Variants in NAA50 observed in about 807,000 individuals in gnomAD.
The protein encoded by NAA50 is N-alpha-acetyltransferase 50.
In NAA50, 7 loss-of-function variants were observed where a neutral mutation model predicts 20.7. The observed-to-expected ratio is 0.34, with a 90% CI of 0.19 to 0.63. The LOEUF is 0.63. Among genes scored for constraint, NAA50 ranks in the 30% least tolerant of loss-of-function variants. The pLI is 0.75. For missense variants in NAA50, 111 were observed against 199.1 expected (o/e 0.56, Z 2.66); for synonymous variants, 54 against 70.6 (o/e 0.77, Z 1.18).
intron 4 of NAA50, 90 bp downstream of exon 4, chr3:113,722,816 A>G: frequency 1.4e-6 from 2 of 1,398,164 alleles, no homozygotes; most frequent in Non-Finnish European, 1.9e-6. Flanking sequence ...CCAAAGGCAC[A>G]ATAAGTGACC....
In NAA50 at chr3:113,733,565, T is replaced by C. The variant is rs557659560; in HGVS notation, c.9-9470A>G. On this transcript the variant is annotated intron_variant, in intron 1 of 4. Transcript: ENST00000240922. ...CTGTTAAAGATTCATATTAAAGATA[T>C]TAAAGGCCAGGCATGGTGGCTCATG... Among the ~76,000 whole-genome samples the C allele has an allele frequency of 1.4e-4, 22 of 152,072 alleles. 1 individual carries two copies. In the South Asian group the frequency reaches 3.3e-3, roughly 23 times the overall value.
In NAA50 at chr3:113,721,948, A is replaced by T. The variant is rs778227628; in HGVS notation, c.333-11T>A. The T allele has an allele frequency of 6.3e-7, 1 of 1,594,216 alleles. No homozygotes were observed. Among genetic ancestry groups the T allele is most frequent in the Non-Finnish European group, 8.5e-7 (1 of 1,172,994 alleles). The stretch of plus-strand genomic sequence containing the variant: ...CTGATCTGGACATGCCTGAGATATA[A>T]GAGAGTATCAGAAAAAAAATTAAAA... On this transcript the variant is annotated splice_polypyrimidine_tract_variant and intron_variant, in intron 4 of 4. Coordinates refer to ENST00000240922, the MANE Select transcript of NAA50 (RefSeq NM_025146.4).
intron 1 of NAA50, among the ~76,000 whole-genome samples, chr3:113,728,698 T>C (rs187086752): frequency 4.6e-5 from 7 of 152,320 alleles, no homozygotes; most frequent in African/African-American, 1.7e-4. Context: ...GGTGATCTCA[T>C]TCAATCTTGT....
intron 1 of NAA50, chr3:113,740,744 T>C (rs759089896): frequency 3.9e-4 from 62 of 160,668 alleles, no homozygotes; most frequent in Non-Finnish European, 1.2e-4. Flanking sequence ...TTTTTTCTTT[T>C]TTTTTTTTTA....
At chr3:113,741,885 C>G (rs975120450) in intron 1 of NAA50, among the ~76,000 whole-genome samples, 2 of 152,188 alleles carry the variant, frequency 1.3e-5, no homozygotes, top group Non-Finnish European at 2.9e-5. Flanking sequence ...CACGATGATT[C>G]TATTTACAGA....
chr3:113,729,080 G>T (rs1420334836), intron 1 of NAA50, among the ~76,000 whole-genome samples: 2 of 151,802 alleles, frequency 1.3e-5, no homozygotes, highest in East Asian at 1.9e-4. Context: ...CCGCATCCTG[G>T]GTTCAAGCAA....
At chr3:113,728,974 ACT>A (rs1491259353) in intron 1 of NAA50, among the ~76,000 whole-genome samples, 2 of 148,962 alleles carry the variant, frequency 1.3e-5, no homozygotes, top group African/African-American at 2.5e-5. Flanking sequence ...CTCTTGATAC[ACT>A]TTTTTCCTTT....
intron 1 of NAA50, among the ~76,000 whole-genome samples, chr3:113,735,543 T>C (rs571709440): frequency 6.6e-6 from 1 of 152,348 alleles, no homozygotes; most frequent in East Asian, 1.9e-4. Context: ...TGCTTACTTC[T>C]GTTAAGAATG....
intron 1 of NAA50, among the ~76,000 whole-genome samples, chr3:113,732,618 GTC>G (rs1708285173): frequency 6.6e-6 from 1 of 152,188 alleles, no homozygotes; most frequent in Non-Finnish European, 1.5e-5. Context: ...TTTGTGGTGT[GTC>G]TGTTTCCTTT....
At chr3:113,733,545 A>G (rs1708297625) in intron 1 of NAA50, among the ~76,000 whole-genome samples, 1 of 152,136 alleles carries the variant, frequency 6.6e-6, no homozygotes, top group African/African-American at 2.4e-5. Context: ...CTTCTCTGTT[A>G]AAGATTCATA....
At chr3:113,728,639 G>A (rs1383939576) in intron 1 of NAA50, among the ~76,000 whole-genome samples, 8 of 152,180 alleles carry the variant, frequency 5.3e-5, no homozygotes, top group East Asian at 3.9e-4. Flanking sequence ...ATTTTATGAC[G>A]GCCTCGTATA....
intron 1 of NAA50, among the ~76,000 whole-genome samples, chr3:113,727,264 G>C (rs1708211692): frequency 6.6e-6 from 1 of 152,130 alleles, no homozygotes; most frequent in Admixed American, 6.5e-5. Context: ...TTTAAAAAGT[G>C]ATTTAAAATT....
chr3:113,742,740 G>A (rs958956764), intron 1 of NAA50, among the ~76,000 whole-genome samples: 1 of 152,026 alleles, frequency 6.6e-6, no homozygotes, highest in African/African-American at 2.4e-5. Context: ...AGTCAACATT[G>A]TTCCATATTT....
chr3:113,726,182 A>C (rs1319990562), intron 1 of NAA50, among the ~76,000 whole-genome samples: 3 of 152,160 alleles, frequency 2.0e-5, no homozygotes, highest in Non-Finnish European at 4.4e-5. Flanking sequence ...CAGATTAAAT[A>C]AACAAACATG....
At chr3:113,722,787 A>T in intron 4 of NAA50, 119 bp downstream of exon 4, 1 of 1,188,522 alleles carries the variant, frequency 8.4e-7, no homozygotes, top group Non-Finnish European at 1.1e-6. Flanking sequence ...ACTTTGTAAC[A>T]ACTACTTCCA....
At chr3:113,725,820 T>C (rs1050681735) in intron 1 of NAA50, among the ~76,000 whole-genome samples, 5 of 129,122 alleles carry the variant, frequency 3.9e-5, no homozygotes, top group Non-Finnish European at 8.4e-5. Flanking sequence ...AAATTTGATT[T>C]ATCTGGAGAG....
intron 1 of NAA50, among the ~76,000 whole-genome samples, chr3:113,742,670 G>A (rs1371712391): frequency 6.6e-6 from 1 of 152,080 alleles, no homozygotes; most frequent in Non-Finnish European, 1.5e-5. Flanking sequence ...GTTTCTGACT[G>A]CAGAATCTTA....
At chr3:113,734,945 T>A (rs956298956) in intron 1 of NAA50, among the ~76,000 whole-genome samples, 1 of 152,206 alleles carries the variant, frequency 6.6e-6, no homozygotes, top group African/African-American at 2.4e-5. Context: ...ACTGAAGCAA[T>A]GCTAATGTTA....
intron 1 of NAA50, among the ~76,000 whole-genome samples, chr3:113,726,680 G>A (rs543280883): frequency 5.9e-5 from 9 of 151,538 alleles, no homozygotes; most frequent in African/African-American, 1.9e-4. Context: ...GGAGGCAGAG[G>A]TTGCAGTGAG....
Sources: gnomAD v4.1 joint callset for allele counts (sites outside exome capture counted in the v4.1 genomes callset) on GRCh38, gnomAD v4.1.1 for gene constraint, MANE v1.5 for transcripts, NCBI Gene and HGNC (gene_info 2026-07-23, HGNC 2026-07-21) for gene names.